The following LRRC34 variants were observed in gnomAD, a reference collection of about 807,000 sequenced individuals.
LRRC34 encodes leucine-rich repeat-containing protein 34.
LRRC34 carries 44 observed loss-of-function variants against 48.5 expected under a neutral mutation model. The observed-to-expected ratio is 0.91, with a 90% CI of 0.71 to 1.17. The LOEUF is 1.17. LRRC34 is among the 50% of genes most tolerant of loss of function. LRRC34 has a pLI of 0.00. For synonymous variants in LRRC34, 192 were observed against 197.6 expected, an observed-to-expected ratio of 0.97 and a Z score of 0.24; for missense variants, 502 against 563.0, an observed-to-expected ratio of 0.89 and a Z score of 1.10.
chr3:169,807,816 A>G lies in LRRC34; in HGVS notation c.258-107T>C, dbSNP rs566522250. ...ATGTATAAATAGTCATATCACAGATATCATTTACTGGAAGCAAGCATATAA... is the reference window on the plus strand; with the variant it reads ...ATGTATAAATAGTCATATCACAGATGTCATTTACTGGAAGCAAGCATATAA... On this transcript the variant is annotated intron_variant, in intron 2 of 10. Coordinates refer to ENST00000446859, the MANE Select transcript of LRRC34 (RefSeq NM_001172779.2). The G allele has an allele frequency of 1.4e-5, 18 of 1,259,708 alleles. No individual in the cohort carries two copies. In the African/African-American group the frequency reaches 2.6e-4, roughly 18 times the overall value. 78.0% of individuals were successfully genotyped at this position (1,259,708 alleles called of 1,614,324 possible).
rs73879129 is a variant in LRRC34 at position 169,807,295 on chromosome 3, T to C, written c.444+131A>G. 2.9e-3 allele frequency: 2,463 copies of C among 857,904 alleles called. 35 individuals are homozygous for C. The African/African-American group carries it at 0.037, about 13-fold the overall frequency. The allele number at this position is 857,904 out of a possible 1,614,324, so 53.1% of individuals were successfully genotyped here. A position where few individuals can be genotyped will look rare whatever the true frequency, so the allele number is the denominator to read the frequency against. ...GACCAAATCCACAATGGGTTTCCAG[T>C]ATATTTCGAGTGTTCTAGCACAGAG... On this transcript the variant is annotated intron_variant, in intron 4 of 10. Coordinates refer to ENST00000446859, the MANE Select transcript of LRRC34 (RefSeq NM_001172779.2).
chr3:169,807,653 T>G lies in LRRC34; in HGVS notation c.314A>C (p.Glu105Ala). 6.2e-7 allele frequency: 1 copy of G among 1,611,572 alleles called. No homozygotes were observed. The highest frequency in any genetic ancestry group is 8.5e-7 in the Non-Finnish European group (1 of 1,179,312). ...IAGNNRLVPV[E>A]RVTGEDFWIL... ...CCAAAAATCTTCACCTGTAACTCTT[T>G]CTACTGGCACTAAGCGATTGTTACC... is the stretch of plus-strand genomic sequence containing the variant. The change falls in exon 3 of 11, where the codon GAA becomes GCA. Residue 105 changes from glutamate (E) to alanine (A), a missense_variant. Transcript: ENST00000446859.
rs892052836 is a variant in LRRC34 at position 169,812,519 on chromosome 3, A to T, written c.30T>A (p.Gly10=). 6.3e-5 allele frequency: 96 copies of T among 1,514,370 alleles called. No homozygotes were observed. Among genetic ancestry groups the T allele is most frequent in the Non-Finnish European group, 8.0e-5 (91 of 1,138,772 alleles). 93.8% of individuals were successfully genotyped at this position (1,514,370 alleles called of 1,614,324 possible). A position where few individuals can be genotyped will look rare whatever the true frequency, so the allele number is the denominator to read the frequency against. The change falls in exon 1 of 11, where the codon GGT becomes GGA. Residue 10 remains glycine, a synonymous_variant. Transcript: ENST00000446859. This position sits in a 1 kb window ranked among gnomAD's most constrained non-coding sequence, Gnocchi z 4.3. MAAQPPRPV[G]ERSMGSSREA... ...CCCGGGAGCTCCCCATGCTCCTCTC[A>T]CCCACTGGCCGCGGCGGCTGCGCTG... is the stretch of plus-strand genomic sequence containing the variant.
chr3:169,810,419 A>G lies in LRRC34; in HGVS notation c.140-1674T>C, dbSNP rs28475049. ...ACTTTATATGCTGTTTTTTAAATTA[A>G]CATTATATTGTAAGCAGTTTTCCCA... On this transcript the variant is annotated intron_variant, in intron 1 of 10. Transcript: ENST00000446859. Among the ~76,000 whole-genome samples the G allele has an allele frequency of 5.6e-3, 848 of 152,294 alleles. 8 individuals carry two copies. The highest frequency in any genetic ancestry group is 0.019 in the African/African-American group (808 of 41,548).
Position 169,812,439 on chromosome 3 carries a change from G to A in LRRC34, c.110C>T (p.Thr37Ile). ...CTGGACCGCCAGGGCCGCGCCCGGA[G>A]TACTGGCCTGAGTGGAGGCCCAAGC... ...SPAWASTQASTPGAALAVQRE... is the reference protein window; with the variant it reads ...SPAWASTQASIPGAALAVQRE... The change falls in exon 1 of 11, where the codon ACT becomes ATT. Residue 37 changes from threonine to isoleucine, a missense_variant. Physicochemically the swap from Thr to Ile is moderately conservative, Grantham distance 89 (BLOSUM62 -1). Transcript: ENST00000446859. This position sits in a 1 kb window ranked among gnomAD's most constrained non-coding sequence, Gnocchi z 4.3. 1 of 1,531,850 alleles carries A rather than the reference G, an allele frequency of 6.5e-7. No homozygotes were observed. The allele number at this position is 1,531,850 out of a possible 1,614,324, so 94.9% of individuals were successfully genotyped here. A position where few individuals can be genotyped will look rare whatever the true frequency, so the allele number is the denominator to read the frequency against.
Position 169,795,477 on chromosome 3 carries a change from A to G in LRRC34, c.1191+8T>C. ...AGCCTTCAGTGAAGGAAAAAACTTA[A>G]AACTTACTATACACGTAGCCTCATC... On this transcript the variant is annotated splice_region_variant and intron_variant, in intron 10 of 10. Transcript: ENST00000446859. The G allele has an allele frequency of 6.3e-7, 1 of 1,593,512 alleles. No individual in the cohort carries two copies. Among genetic ancestry groups the G allele is most frequent in the Non-Finnish European group, 8.6e-7 (1 of 1,166,548 alleles).
chr3:169,812,322 T>C lies in LRRC34; in HGVS notation c.139+88A>G. The C allele has an allele frequency of 1.4e-6, 2 of 1,422,762 alleles. No individual in the cohort carries two copies. The highest frequency in any genetic ancestry group is 1.8e-6 in the Non-Finnish European group (2 of 1,090,866). 88.1% of individuals were successfully genotyped at this position (1,422,762 alleles called of 1,614,324 possible). On this transcript the variant is annotated intron_variant, in intron 1 of 10. Coordinates refer to ENST00000446859, the MANE Select transcript of LRRC34 (RefSeq NM_001172779.2). This position sits in a 1 kb window ranked among gnomAD's most constrained non-coding sequence, Gnocchi z 4.3. ...GCCTCGACGCCTTGGGCTGGCGGGC[T>C]GCTGGGAGGACTCCTGCCGTGCGAC...
chr3:169,796,773 T>C lies in LRRC34; in HGVS notation c.880A>G (p.Ser294Gly). The change falls in exon 8 of 11, where the codon AGT (serine) becomes GGT (glycine). Residue 294 changes from serine (S) to glycine (G), a missense_variant. Coordinates refer to ENST00000446859, the MANE Select transcript of LRRC34 (RefSeq NM_001172779.2). Reference sequence around the variant, plus strand: ...CTGACATCAAGGTAGCGCAGGCTACTGTTCAGATACAGTGCATCACATAAC... The same window carrying C: ...CTGACATCAAGGTAGCGCAGGCTACCGTTCAGATACAGTGCATCACATAAC... ...QQLCDALYLN[S>G]SLRYLDVSCN... 6.2e-7 allele frequency: 1 copy of C among 1,608,392 alleles called. No individual in the cohort carries two copies. Among genetic ancestry groups the C allele is most frequent in the Non-Finnish European group, 8.5e-7 (1 of 1,178,534 alleles).
At chr3:169,808,483 G>C (rs539875631) in intron 2 of LRRC34, 145 bp downstream of exon 2, 2 of 556,354 alleles carry the variant, frequency 3.6e-6, no homozygotes, top group Non-Finnish European at 6.5e-6. Flanking sequence ...AGTGTTGCTC[G>C]TGTACTTACT....
chr3:169,804,047 A>G lies in LRRC34; in HGVS notation c.657+6T>C, dbSNP rs976569286. 1 of 1,569,076 alleles carries G rather than the reference A, an allele frequency of 6.4e-7. No individual in the cohort carries two copies. Among genetic ancestry groups the G allele is most frequent in the Admixed American group, 1.9e-5 (1 of 53,946 alleles). On this transcript the variant is annotated splice_donor_region_variant and intron_variant, in intron 6 of 10. Coordinates refer to ENST00000446859, the MANE Select transcript of LRRC34 (RefSeq NM_001172779.2). ...TGGATGATTTTCTCATAACCAGTTTACTCACCAGATCACAGTCACCCAGAT... is the reference window on the plus strand; with the variant it reads ...TGGATGATTTTCTCATAACCAGTTTGCTCACCAGATCACAGTCACCCAGAT...
In LRRC34 at chr3:169,805,308, G is replaced by C. The variant is rs552579584; in HGVS notation, c.529-1127C>G. ...ACACAAGAGTTCAGCAACATAGCAG[G>C]ACACAAGATCAATATACAAAAACAG... is the stretch of plus-strand genomic sequence containing the variant. On this transcript the variant is annotated intron_variant, in intron 5 of 10. Coordinates refer to ENST00000446859, the MANE Select transcript of LRRC34 (RefSeq NM_001172779.2). Among the ~76,000 whole-genome samples the C allele has an allele frequency of 2.9e-4, 44 of 152,100 alleles. 1 individual carries two copies. The South Asian group carries it at 8.9e-3, about 31-fold the overall frequency.
intron 6 of LRRC34, 98 bp from the exon 7 acceptor site, chr3:169,800,852 GT>G (rs1779164725): frequency 2.5e-6 from 2 of 793,344 alleles, no homozygotes; most frequent in African/African-American, 3.5e-5. Flanking sequence ...TGATAAAATT[GT>G]TTTTAAAATT....
At chr3:169,808,818 T>A in intron 1 of LRRC34, 73 bp from the exon 2 acceptor site, 1 of 824,408 alleles carries the variant, frequency 1.2e-6, no homozygotes, top group Non-Finnish European at 2.0e-6. Flanking sequence ...AAAAACTACC[T>A]CTTTCAAATA....
At chr3:169,802,902 G>A (rs897605077) in intron 6 of LRRC34, among the ~76,000 whole-genome samples, 1 of 151,944 alleles carries the variant, frequency 6.6e-6, no homozygotes, top group Non-Finnish European at 1.5e-5. Flanking sequence ...GTTTGAACCC[G>A]GGAGGTGGAG....
intron 5 of LRRC34, 140 bp downstream of exon 5, chr3:169,806,708 A>C (rs1779387427): frequency 3.6e-6 from 2 of 560,772 alleles, no homozygotes; most frequent in Non-Finnish European, 3.2e-6. Context: ...TCTACACTTG[A>C]ATAAATTAAA....
Position 169,806,829 on chromosome 3 carries a change from G to A in LRRC34, c.528+19C>T. Reference sequence around the variant, plus strand: ...GAATTTCCAAATACAATGTTAGTTTGAAATACATAAATGCTTACATGTAGC... The same window carrying A: ...GAATTTCCAAATACAATGTTAGTTTAAAATACATAAATGCTTACATGTAGC... On this transcript the variant is annotated intron_variant, in intron 5 of 10. Transcript: ENST00000446859. The A allele has an allele frequency of 6.6e-7, 1 of 1,505,758 alleles. No homozygotes were observed. The highest frequency in any genetic ancestry group is 2.3e-5 in the East Asian group (1 of 43,810). The allele number at this position is 1,505,758 out of a possible 1,614,324, so 93.3% of individuals were successfully genotyped here.
In LRRC34 at chr3:169,793,660, A is replaced by G; in HGVS notation, c.1370T>C (p.Leu457Pro). 1 of 1,613,528 alleles carries G rather than the reference A, an allele frequency of 6.2e-7. No homozygotes were observed. The highest frequency in any genetic ancestry group is 8.5e-7 in the Non-Finnish European group (1 of 1,179,730). The change falls in exon 11 of 11, where the codon CTT (leucine) becomes CCT (proline). Residue 457 changes from leucine to proline, a missense_variant. Leu to Pro is a moderately conservative substitution (Grantham distance 98). Transcript: ENST00000446859. ...TCATGGCTGTTGACCTACTGGAACA[A>G]GAGCAAAACCTGCATTAGATGAGTG... is the stretch of plus-strand genomic sequence containing the variant. ...YDHSSNAGFA[L>P]VPVGQQP is the part of the protein sequence containing the mutation.
At chr3:169,807,745 A>AT in intron 2 of LRRC34, 36 bp from the exon 3 acceptor site, 1 of 1,422,444 alleles carries the variant, frequency 7.0e-7, no homozygotes, top group Non-Finnish European at 9.4e-7. Context: ...AAAAAAAAAG[A>AT]TTTTGAAATA....
intron 1 of LRRC34, among the ~76,000 whole-genome samples, chr3:169,811,826 C>G (rs1439983160): frequency 1.3e-5 from 2 of 152,192 alleles, no homozygotes; most frequent in Non-Finnish European, 2.9e-5. Context: ...CTGCCCATCT[C>G]CTGGATGCAG....
Sources: allele counts gnomAD v4.1 joint callset (sites outside exome capture counted in the v4.1 genomes callset), GRCh38; gene constraint gnomAD v4.1.1; non-coding constraint Gnocchi (gnomAD v3.1); transcripts MANE v1.5; gene names NCBI Gene and HGNC (gene_info 2026-07-23, HGNC 2026-07-21).